ADAM10: variants seen among roughly 807,000 people sequenced by gnomAD.
ADAM10 encodes the protein disintegrin and metalloproteinase domain-containing protein 10.
A neutral mutation model predicts 90.1 loss-of-function variants in ADAM10; 17 were observed. The observed-to-expected ratio is 0.19, with a 90% CI of 0.13 to 0.28. The LOEUF (loss-of-function observed/expected upper bound fraction) is 0.28. ADAM10 is among the 10% of genes least tolerant of loss of function. The probability of loss-of-function intolerance (pLI) is 1.00; values close to 1 mark genes in which losing one functional copy is unlikely to be tolerated. For missense variants in ADAM10, 610 were observed against 914.3 expected, an observed-to-expected ratio of 0.67 and a Z score of 4.29; for synonymous variants, 310 against 298.6, an observed-to-expected ratio of 1.04 and a Z score of -0.40.
rs201536164 is a variant in ADAM10 at position 58,749,449 on chromosome 15, G to A, written c.55+31C>T. ...CCGGCCGCCGCTCCGCCGTGGTCGC[G>A]GCGCCCCCGGCGCTCGCAGTCGTGC... On this transcript the variant is annotated intron_variant, in intron 1 of 15. Coordinates refer to ENST00000260408, the MANE Select transcript of ADAM10 (RefSeq NM_001110.4). 570 of 1,521,378 alleles carry A rather than the reference G, an allele frequency of 3.7e-4. 1 individual carries two copies. Among genetic ancestry groups the A allele is most frequent in the Non-Finnish European group, 4.6e-4 (526 of 1,132,532 alleles). 94.2% of individuals were successfully genotyped at this position (1,521,378 alleles called of 1,614,324 possible).
intron 2 of ADAM10, among the ~76,000 whole-genome samples, chr15:58,701,525 A>G (rs1898135287): frequency 6.6e-6 from 1 of 152,222 alleles, no homozygotes; most frequent in Non-Finnish European, 1.5e-5. Context: ...TAACTCTTCT[A>G]TACTGTTGAT....
chr15:58,601,127 A>T (rs1046701164), intron 14 of ADAM10, among the ~76,000 whole-genome samples: 1 of 152,140 alleles, frequency 6.6e-6, no homozygotes, highest in Non-Finnish European at 1.5e-5. Context: ...TCTCAAACTT[A>T]AAGAAAAGTT....
intron 2 of ADAM10, among the ~76,000 whole-genome samples, chr15:58,709,307 T>G (rs75791299): frequency 0.12 from 17,510 of 152,184 alleles, 1,380 homozygotes; most frequent in Middle Eastern, 0.2. Context: ...TCACAAAAGA[T>G]CCAACTGAAC....
chr15:58,636,137 C>A (rs1224671356), intron 8 of ADAM10, among the ~76,000 whole-genome samples: 2 of 151,980 alleles, frequency 1.3e-5, no homozygotes, highest in Non-Finnish European at 2.9e-5. Context: ...ATTAGCCAGG[C>A]GAGGTGGTGC....
chr15:58,681,288 A>C (rs1258815893), intron 3 of ADAM10, among the ~76,000 whole-genome samples: 1 of 152,174 alleles, frequency 6.6e-6, no homozygotes, highest in African/African-American at 2.4e-5. Context: ...AAAACGCTTC[A>C]TTTTGGTTAC....
chr15:58,632,334 G>A (rs558155278), intron 9 of ADAM10, among the ~76,000 whole-genome samples: 35 of 152,246 alleles, frequency 2.3e-4, no homozygotes, highest in Admixed American at 9.2e-4. Context: ...ACTGAAATAC[G>A]TAAGGATAGA....
At chr15:58,671,345 T>C (rs1362576432) in intron 4 of ADAM10, among the ~76,000 whole-genome samples, 1 of 152,234 alleles carries the variant, frequency 6.6e-6, no homozygotes, top group Non-Finnish European at 1.5e-5. Context: ...ATAACATGTC[T>C]TTAATAAACC....
chr15:58,621,763 T>C (rs1287948910), intron 10 of ADAM10, 142 bp from the exon 11 acceptor site: 1 of 1,044,966 alleles, frequency 9.6e-7, no homozygotes, highest in Non-Finnish European at 1.4e-6. Context: ...AATCTGGAAA[T>C]TACGAGACCT....
intron 10 of ADAM10, among the ~76,000 whole-genome samples, chr15:58,626,054 GA>G (rs1566971755): frequency 6.6e-6 from 1 of 151,994 alleles, no homozygotes; most frequent in Non-Finnish European, 1.5e-5. Flanking sequence ...TGTAATGACA[GA>G]ACTGTTCTGA....
intron 8 of ADAM10, among the ~76,000 whole-genome samples, 194 bp downstream of exon 8, chr15:58,640,583 C>A (rs868703299): frequency 6.6e-6 from 1 of 152,036 alleles, no homozygotes; most frequent in Admixed American, 6.5e-5. Flanking sequence ...TCCCTGTATG[C>A]GTTTCAAAAT....
intron 7 of ADAM10, among the ~76,000 whole-genome samples, chr15:58,642,620 C>T (rs1171661783): frequency 6.6e-6 from 1 of 152,044 alleles, no homozygotes; most frequent in Non-Finnish European, 1.5e-5. Context: ...CTAAAAACAA[C>T]CAACTACCAC....
At chr15:58,733,136 G>C (rs1467825173) in intron 1 of ADAM10, 1 of 152,226 alleles carries the variant, frequency 6.6e-6, no homozygotes, top group Non-Finnish European at 1.5e-5. Flanking sequence ...ACTGGACAGA[G>C]GCCTTAAGAG....
rs561499332 is a variant in ADAM10, at chr15:58,596,792, T to C, written c.*755A>G. 1 of 153,564 alleles carries C rather than the reference T, an allele frequency of 6.5e-6. No individual in the cohort carries two copies. Among genetic ancestry groups the C allele is most frequent in the African/African-American group, 2.4e-5 (1 of 41,590 alleles). 9.5% of individuals were successfully genotyped at this position (153,564 alleles called of 1,614,324 possible). On this transcript the variant is annotated 3_prime_UTR_variant, in exon 16 of 16. Transcript: ENST00000260408. ...GTCCAGTTTGCACAACACTTAACTG[T>C]GTTCTTCAGTATAGTCACTTGTGCC...
intron 1 of ADAM10, among the ~76,000 whole-genome samples, chr15:58,723,680 G>C (rs532550064): frequency 2.0e-5 from 3 of 151,706 alleles, no homozygotes; most frequent in Admixed American, 6.6e-5. Context: ...TCTCCAGCCT[G>C]GGCAACAACA....
rs545317314 is a variant in ADAM10, at chr15:58,723,577, C to T, written c.56-5850G>A. Reference sequence around the variant, plus strand: ...AAAATTAGCCTGCCGTGGTGACTGACGCCTGTAATCCCAGCTACTTGGGAG... The same window carrying T: ...AAAATTAGCCTGCCGTGGTGACTGATGCCTGTAATCCCAGCTACTTGGGAG... On this transcript the variant is annotated intron_variant, in intron 1 of 15. Coordinates refer to ENST00000260408, the MANE Select transcript of ADAM10 (RefSeq NM_001110.4). Among the ~76,000 whole-genome samples the T allele has an allele frequency of 2.0e-5, 3 of 152,014 alleles. No individual in the cohort carries two copies. In the East Asian group the frequency reaches 5.8e-4, roughly 29 times the overall value.
intron 11 of ADAM10, among the ~76,000 whole-genome samples, chr15:58,619,748 CA>C (rs1432608967): frequency 2.6e-5 from 4 of 151,802 alleles, no homozygotes; most frequent in Non-Finnish European, 4.4e-5. Flanking sequence ...ACTAAAAATA[CA>C]AAAAATTAGC....
intron 14 of ADAM10, among the ~76,000 whole-genome samples, chr15:58,606,346 G>A (rs1343487059): frequency 1.3e-5 from 2 of 152,156 alleles, no homozygotes; most frequent in African/African-American, 4.8e-5. Flanking sequence ...CTAAACTTTT[G>A]GTTACTTTAA....
intron 1 of ADAM10, among the ~76,000 whole-genome samples, chr15:58,719,782 A>G (rs1034700189): frequency 6.6e-5 from 10 of 152,340 alleles, no homozygotes; most frequent in African/African-American, 2.4e-4. Flanking sequence ...TGTTTCCCAG[A>G]TCGAATAGAA....
chr15:58,659,926 G>T (rs1050172761), intron 5 of ADAM10, among the ~76,000 whole-genome samples: 1 of 152,098 alleles, frequency 6.6e-6, no homozygotes, highest in East Asian at 1.9e-4. Flanking sequence ...TAGAGACAGG[G>T]TTTCACTGTG....
Sources: allele counts gnomAD v4.1 joint callset (sites outside exome capture counted in the v4.1 genomes callset), GRCh38; gene constraint gnomAD v4.1.1; transcripts MANE v1.5; gene names NCBI Gene and HGNC (gene_info 2026-07-23, HGNC 2026-07-21).